Variants in ST8SIA2 observed in about 807,000 individuals in gnomAD.
The protein encoded by ST8SIA2 is ST8 alpha-N-acetyl-neuraminide alpha-2,8-sialyltransferase 2.
In ST8SIA2, 22 loss-of-function variants were observed where a neutral mutation model predicts 37.6. The observed-to-expected ratio is 0.58, with a 90% CI of 0.42 to 0.83. The LOEUF is 0.83. Ranked by LOEUF, ST8SIA2 falls within the 40% of genes least tolerant of loss-of-function variation. The probability of loss-of-function intolerance (pLI) is 0.00; values close to 1 mark genes in which losing one functional copy is unlikely to be tolerated. For synonymous variants in ST8SIA2, 205 were observed against 201.2 expected, an observed-to-expected ratio of 1.02 and a Z score of -0.16; for missense variants, 382 against 484.7, an observed-to-expected ratio of 0.79 and a Z score of 1.99.
chr15:92,439,135 CCT>C (rs1203490695), intron 4 of ST8SIA2, among the ~76,000 whole-genome samples: 2 of 152,268 alleles, frequency 1.3e-5, no homozygotes, highest in African/African-American at 4.8e-5. Flanking sequence ...TTGCTGATCC[CCT>C]GAGGTAGAGC....
At chr15:92,441,890 T>TA (rs2049805813) in intron 4 of ST8SIA2, among the ~76,000 whole-genome samples, 1 of 152,132 alleles carries the variant, frequency 6.6e-6, no homozygotes, top group South Asian at 2.1e-4. Flanking sequence ...GTGGACCAGG[T>TA]AGTTGGCCTC....
chr15:92,439,516 C>T (rs996342189), intron 4 of ST8SIA2, among the ~76,000 whole-genome samples: 2 of 152,294 alleles, frequency 1.3e-5, no homozygotes, highest in South Asian at 2.1e-4. Context: ...CTGGCAGAAC[C>T]GCAAACGTTC....
At chr15:92,394,879 GGGAAAGTCTGTACCGCCGCCCGGT>G (rs1204396440) in intron 1 of ST8SIA2, among the ~76,000 whole-genome samples, 22 of 152,320 alleles carry the variant, frequency 1.4e-4, no homozygotes, top group African/African-American at 5.1e-4. Flanking sequence ...GAGACATTTC[GGGAAAGTCTGTACCGCCGCCCGGT>G]GGGCTTCTGG....
At chr15:92,444,571 C>G in intron 4 of ST8SIA2, 65 bp from the exon 5 acceptor site, 1 of 1,601,998 alleles carries the variant, frequency 6.2e-7, no homozygotes, top group Non-Finnish European at 8.6e-7. Context: ...AGGATGGGAT[C>G]GAGTTAAACA....
intron 1 of ST8SIA2, among the ~76,000 whole-genome samples, chr15:92,428,638 T>C (rs1228759033): frequency 2.0e-5 from 3 of 152,046 alleles, no homozygotes; most frequent in African/African-American, 4.8e-5. Flanking sequence ...AACATGGAAG[T>C]ACAAGAACAC....
chr15:92,454,488 A>G (rs970746649), intron 5 of ST8SIA2, among the ~76,000 whole-genome samples: 2 of 152,092 alleles, frequency 1.3e-5, no homozygotes, highest in Non-Finnish European at 2.9e-5. Context: ...TCAACCCATA[A>G]CAGCTGGGTT....
At chr15:92,448,749 AAGG>A (rs1390296676) in intron 5 of ST8SIA2, among the ~76,000 whole-genome samples, 3 of 152,300 alleles carry the variant, frequency 2.0e-5, no homozygotes, top group East Asian at 3.9e-4. Context: ...CTGGAGCCAC[AAGG>A]AGGAGAGTGC....
chr15:92,401,512 A>G (rs905227196), intron 1 of ST8SIA2, among the ~76,000 whole-genome samples: 2 of 152,304 alleles, frequency 1.3e-5, no homozygotes, highest in East Asian at 1.9e-4. Context: ...AACGGCTCCA[A>G]CTGGGGAGAG....
intron 4 of ST8SIA2, among the ~76,000 whole-genome samples, chr15:92,440,756 G>C (rs1225164027): frequency 6.6e-6 from 1 of 152,186 alleles, no homozygotes; most frequent in Non-Finnish European, 1.5e-5. Flanking sequence ...CCATCTAGGA[G>C]TTTATTCCGT....
chr15:92,461,809 C>T (rs1015753805), intron 5 of ST8SIA2, among the ~76,000 whole-genome samples: 4 of 151,918 alleles, frequency 2.6e-5, no homozygotes, highest in Non-Finnish European at 5.9e-5. Flanking sequence ...GGACAGATCA[C>T]GGTGATGGGC....
At chr15:92,462,138 C>T (rs542472924) in intron 5 of ST8SIA2, among the ~76,000 whole-genome samples, 76 of 152,312 alleles carry the variant, frequency 5.0e-4, no homozygotes, top group African/African-American at 1.7e-3. Context: ...CCGGGAGAAT[C>T]GTGTTCACTC....
intron 1 of ST8SIA2, among the ~76,000 whole-genome samples, chr15:92,424,290 C>A (rs1289264625): frequency 6.6e-6 from 1 of 152,128 alleles, no homozygotes; most frequent in South Asian, 2.1e-4. Flanking sequence ...CATACTGGAC[C>A]TTACCTTACC....
rs115605767 is a variant in ST8SIA2 at position 92,455,577 on chromosome 15, G to A, written c.843-8523G>A. Among the ~76,000 whole-genome samples the A allele has an allele frequency of 3.9e-3, 595 of 152,256 alleles. 5 individuals are homozygous for A. The highest frequency in any genetic ancestry group is 0.013 in the African/African-American group (551 of 41,548). Reference sequence around the variant, plus strand: ...AAGTACTGCACCTTGTTAAATTCTGGAAAGTATTCCCTATTGACACACACC... The same window carrying A: ...AAGTACTGCACCTTGTTAAATTCTGAAAAGTATTCCCTATTGACACACACC... On this transcript the variant is annotated intron_variant, in intron 5 of 5. Transcript: ENST00000268164.
At chr15:92,409,805 G>T (rs1350561086) in intron 1 of ST8SIA2, among the ~76,000 whole-genome samples, 1 of 152,226 alleles carries the variant, frequency 6.6e-6, no homozygotes, top group Non-Finnish European at 1.5e-5. Context: ...TTTCTGTGAT[G>T]GTTACCATGA....
At chr15:92,458,088 A>T (rs1358789617) in intron 5 of ST8SIA2, among the ~76,000 whole-genome samples, 1 of 152,144 alleles carries the variant, frequency 6.6e-6, no homozygotes, top group Non-Finnish European at 1.5e-5. Flanking sequence ...AGGATAATCA[A>T]TCCTAGGCTA....
chr15:92,394,261 C>T, intron 1 of ST8SIA2, 99 bp downstream of exon 1: 1 of 1,057,938 alleles, frequency 9.5e-7, no homozygotes, highest in Non-Finnish European at 1.4e-6. Flanking sequence ...GCGCCGCGCC[C>T]CGCTGTAGCT....
intron 5 of ST8SIA2, among the ~76,000 whole-genome samples, chr15:92,456,438 G>A (rs1445208600): frequency 3.3e-5 from 5 of 152,200 alleles, no homozygotes; most frequent in African/African-American, 1.2e-4. Context: ...AGGATCTGGA[G>A]TTATACAGAA....
chr15:92,461,414 C>G (rs866238828), intron 5 of ST8SIA2, among the ~76,000 whole-genome samples: 7 of 152,346 alleles, frequency 4.6e-5, no homozygotes, highest in African/African-American at 1.7e-4. Context: ...ACTTCTTCAG[C>G]CGTCATGAGC....
At chr15:92,444,966 T>G (rs371566757) in intron 5 of ST8SIA2, 37 bp downstream of exon 5, 2 of 1,602,702 alleles carry the variant, frequency 1.2e-6, no homozygotes, top group South Asian at 1.1e-5. Flanking sequence ...GGACCGTCAC[T>G]AAGTGTGGGA....
Sources: gnomAD v4.1 joint callset for allele counts (sites outside exome capture counted in the v4.1 genomes callset) on GRCh38, gnomAD v4.1.1 for gene constraint, MANE v1.5 for transcripts, NCBI Gene and HGNC (gene_info 2026-07-23, HGNC 2026-07-21) for gene names.